KCNMB2: variants seen among roughly 807,000 people sequenced by gnomAD.
KCNMB2 encodes potassium calcium-activated channel subfamily M regulatory beta subunit 2.
KCNMB2 carries 9 observed loss-of-function variants against 24.5 expected under a neutral mutation model. The ratio of observed to expected loss-of-function variants is 0.37; its 90% CI spans 0.22 to 0.64. The LOEUF (loss-of-function observed/expected upper bound fraction) is 0.64. Among genes scored for constraint, KCNMB2 ranks in the 30% least tolerant of loss-of-function variants. KCNMB2 has a pLI of 0.63. For synonymous variants in KCNMB2, 109 were observed against 104.4 expected, an observed-to-expected ratio of 1.04 and a Z score of -0.27; for missense variants, 226 against 284.3, an observed-to-expected ratio of 0.79 and a Z score of 1.47.
At chr3:178,559,603 C>A (rs1044785227) in intron 1 of KCNMB2, among the ~76,000 whole-genome samples, 1 of 150,426 alleles carries the variant, frequency 6.6e-6, no homozygotes, top group Non-Finnish European at 1.5e-5. Context: ...CACTAATTAA[C>A]TTTTCACACC....
rs183941291 is a variant in KCNMB2, at chr3:178,725,527, T to G, written c.-67-81816T>G. 8.1e-4 allele frequency among the ~76,000 whole-genome samples: 123 copies of G among 152,198 alleles called. No homozygotes were observed. The Middle Eastern group carries it at 0.01, about 13-fold the overall frequency. On this transcript the variant is annotated intron_variant, in intron 1 of 4. Transcript: ENST00000452583. Reference sequence around the variant, plus strand: ...TCTCAGGATAAAAATAGTCAACATATAAAAATCAGTAGCATTTCTATACAC... The same window carrying G: ...TCTCAGGATAAAAATAGTCAACATAGAAAAATCAGTAGCATTTCTATACAC...
At chr3:178,835,277 C>T (rs1715185080) in intron 4 of KCNMB2, among the ~76,000 whole-genome samples, 1 of 151,996 alleles carries the variant, frequency 6.6e-6, no homozygotes, top group Non-Finnish European at 1.5e-5. Flanking sequence ...CTTTTCACTA[C>T]TAAATACTTG....
rs1724193496 is a variant in KCNMB2 at position 178,757,818 on chromosome 3, TATATACACATCCATCCAAGAGG to T, written c.-67-49519_-67-49498del. The stretch of plus-strand genomic sequence containing the variant: ...TCTTATATCCATCCAAGAGGATATA[TATATACACATCCATCCAAGAGG>T]ATATATATATCCAAGAGGATACATA... On this transcript the variant is annotated intron_variant, in intron 1 of 4. Coordinates refer to ENST00000452583, the MANE Select transcript of KCNMB2 (RefSeq NM_181361.3). Among the ~76,000 whole-genome samples, 2 of 116,502 alleles carry T rather than the reference TATATACACATCCATCCAAGAGG, an allele frequency of 1.7e-5. 1 individual carries two copies. The highest frequency in any genetic ancestry group is 5.1e-4 in the East Asian group (2 of 3,960). The allele number at this position is 116,502 out of a possible 152,430, so 76.4% of individuals were successfully genotyped here.
rs78849081 is a variant in KCNMB2 at position 178,768,240 on chromosome 3, G to C, written c.-67-39103G>C. Reference sequence around the variant, plus strand: ...CTCCTTCTAAGCTCGGTTTTCCCCTGATTCCCTATGCTGCTTTAGCTAATG... The same window carrying C: ...CTCCTTCTAAGCTCGGTTTTCCCCTCATTCCCTATGCTGCTTTAGCTAATG... On this transcript the variant is annotated intron_variant, in intron 1 of 4. Coordinates refer to ENST00000452583, the MANE Select transcript of KCNMB2 (RefSeq NM_181361.3). Among the ~76,000 whole-genome samples the C allele has an allele frequency of 7.6e-3, 1,154 of 152,126 alleles. 16 individuals carry two copies. Among genetic ancestry groups the C allele is most frequent in the African/African-American group, 0.026 (1,091 of 41,500 alleles).
chr3:178,663,730 T>G (rs1026463494), intron 1 of KCNMB2, among the ~76,000 whole-genome samples: 1 of 152,198 alleles, frequency 6.6e-6, no homozygotes, highest in Admixed American at 6.5e-5. Context: ...TCATTTTGTA[T>G]AACACTTTAC....
intron 1 of KCNMB2, among the ~76,000 whole-genome samples, chr3:178,701,196 C>T (rs937414932): frequency 1.3e-5 from 2 of 152,202 alleles, no homozygotes; most frequent in Non-Finnish European, 2.9e-5. Flanking sequence ...TTCCCCAGCA[C>T]CATTTGTTAA....
intron 1 of KCNMB2, among the ~76,000 whole-genome samples, chr3:178,707,972 T>C (rs942545157): frequency 4.6e-5 from 7 of 152,164 alleles, no homozygotes; most frequent in African/African-American, 1.7e-4. Context: ...TTCAACCTAT[T>C]AAATCCTTCC....
intron 1 of KCNMB2, among the ~76,000 whole-genome samples, chr3:178,645,784 G>A (rs1719899841): frequency 6.6e-6 from 1 of 152,154 alleles, no homozygotes; most frequent in Non-Finnish European, 1.5e-5. Flanking sequence ...GACTGAGGTG[G>A]GGAGGGAGAG....
At chr3:178,622,124 G>A (rs1481251953) in intron 1 of KCNMB2, among the ~76,000 whole-genome samples, 1 of 152,224 alleles carries the variant, frequency 6.6e-6, no homozygotes, top group Non-Finnish European at 1.5e-5. Context: ...AGGAAGTGGA[G>A]TATATCTGAA....
chr3:178,721,133 C>T (rs761391292), intron 1 of KCNMB2, among the ~76,000 whole-genome samples: 1 of 152,100 alleles, frequency 6.6e-6, no homozygotes, highest in Non-Finnish European at 1.5e-5. Context: ...CTTTAATCTA[C>T]CTTGAATTAA....
At chr3:178,755,066 G>A (rs368626668) in intron 1 of KCNMB2, among the ~76,000 whole-genome samples, 4 of 152,298 alleles carry the variant, frequency 2.6e-5, no homozygotes, top group African/African-American at 9.6e-5. Context: ...CCGCATCTAG[G>A]AGTTGCTAAC....
At chr3:178,783,380 G>C (rs1253035353) in intron 1 of KCNMB2, among the ~76,000 whole-genome samples, 4 of 149,702 alleles carry the variant, frequency 2.7e-5, no homozygotes, top group Non-Finnish European at 5.9e-5. Context: ...AATTACCTTG[G>C]GCAGTATGGC....
intron 1 of KCNMB2, among the ~76,000 whole-genome samples, chr3:178,540,397 C>A (rs1715576643): frequency 6.6e-6 from 1 of 152,198 alleles, no homozygotes; most frequent in Admixed American, 6.5e-5. Flanking sequence ...CTACCCAACA[C>A]TGGTGGTCAT....
intron 2 of KCNMB2, among the ~76,000 whole-genome samples, chr3:178,813,995 CTGT>C (rs1232881812): frequency 1.3e-5 from 2 of 149,722 alleles, no homozygotes; most frequent in Admixed American, 6.6e-5. Context: ...GCTGCTGCTG[CTGT>C]TGTTTTTCTA....
intron 1 of KCNMB2, among the ~76,000 whole-genome samples, chr3:178,682,717 C>T (rs1352155293): frequency 6.6e-6 from 1 of 151,760 alleles, no homozygotes; most frequent in Non-Finnish European, 1.5e-5. Flanking sequence ...TAAGAACAGA[C>T]ACTTCTTAAA....
At chr3:178,542,861 T>A (rs1715665686) in intron 1 of KCNMB2, among the ~76,000 whole-genome samples, 1 of 152,164 alleles carries the variant, frequency 6.6e-6, no homozygotes, top group African/African-American at 2.4e-5. Flanking sequence ...TTGGTTTGAA[T>A]CCCAGTTCTG....
At chr3:178,704,848 G>T (rs1722224608) in intron 1 of KCNMB2, among the ~76,000 whole-genome samples, 1 of 151,964 alleles carries the variant, frequency 6.6e-6, no homozygotes, top group Non-Finnish European at 1.5e-5. Flanking sequence ...ATGAATAAAT[G>T]GTATATTTGA....
intron 1 of KCNMB2, among the ~76,000 whole-genome samples, chr3:178,662,724 A>G (rs1720578733): frequency 2.6e-5 from 4 of 152,268 alleles, no homozygotes; most frequent in African/African-American, 9.6e-5. Context: ...TAATTTAATG[A>G]TTTTTAATTA....
chr3:178,759,617 ATATAT>A (rs1221001526), intron 1 of KCNMB2, among the ~76,000 whole-genome samples: 44 of 129,674 alleles, frequency 3.4e-4, no homozygotes, highest in African/African-American at 1.2e-3. Flanking sequence ...ATATATATAC[ATATAT>A]CTCTCTCCAA....
Sources: allele counts gnomAD v4.1 joint callset (sites outside exome capture counted in the v4.1 genomes callset), GRCh38; gene constraint gnomAD v4.1.1; transcripts MANE v1.5; gene names NCBI Gene and HGNC (gene_info 2026-07-23, HGNC 2026-07-21).